The following NBEAL1 variants were observed in gnomAD, a reference collection of about 807,000 sequenced individuals.
The protein encoded by NBEAL1 is neurobeachin-like protein 1.
NBEAL1 carries 273 observed loss-of-function variants against 351.3 expected under a neutral mutation model. That is an observed-to-expected ratio of 0.78 (90% CI 0.70 to 0.86). The LOEUF (loss-of-function observed/expected upper bound fraction) is 0.86. NBEAL1 is among the 40% of genes least tolerant of loss of function. NBEAL1 has a pLI of 0.00. For synonymous variants in NBEAL1, 1,050 were observed against 1,086.4 expected (o/e 0.97, Z 0.66); for missense variants, 2,961 against 3,201.3 (o/e 0.92, Z 1.81).
intron 35 of NBEAL1, among the ~76,000 whole-genome samples, chr2:203,156,739 C>T (rs947911120): frequency 2.0e-5 from 3 of 151,994 alleles, no homozygotes; most frequent in African/African-American, 7.3e-5. Flanking sequence ...GAGGATTTGT[C>T]GTCTTTATAG....
rs536801602 is a variant in NBEAL1 at position 203,040,353 on chromosome 2, A to G, written c.52-1412A>G. On this transcript the variant is annotated intron_variant, in intron 2 of 55. Transcript: ENST00000683969. ...TGAGACCTCATGCCTTGGAATTGCC[A>G]GATAAACATGCCATGGCCTTTGTTG... 15 of 713,918 alleles carry G rather than the reference A, an allele frequency of 2.1e-5. No individual in the cohort carries two copies. The South Asian group carries it at 2.1e-4, about 10-fold the overall frequency. The allele number at this position is 713,918 out of a possible 1,614,324, so 44.2% of individuals were successfully genotyped here.
intron 18 of NBEAL1, among the ~76,000 whole-genome samples, chr2:203,120,756 G>A (rs578042431): frequency 1.1e-3 from 175 of 152,266 alleles, no homozygotes; most frequent in African/African-American, 4.1e-3. Context: ...TGGATTGGAG[G>A]AATGGATTCT....
At chr2:203,126,428 T>C in intron 21 of NBEAL1, 129 bp from the exon 22 acceptor site, 4 of 767,850 alleles carry the variant, frequency 5.2e-6, no homozygotes, top group Non-Finnish European at 7.5e-6. Context: ...ATACTTAAGT[T>C]TTTATTTTTC....
At chr2:203,117,947 G>A (rs1008320034) in intron 18 of NBEAL1, among the ~76,000 whole-genome samples, 1 of 151,562 alleles carries the variant, frequency 6.6e-6, no homozygotes, top group African/African-American at 2.4e-5. Context: ...CTTCAGCTTC[G>A]CGAAGTGTTG....
chr2:203,071,630 T>C (rs1250794065), intron 7 of NBEAL1, among the ~76,000 whole-genome samples: 1 of 152,214 alleles, frequency 6.6e-6, no homozygotes, highest in Non-Finnish European at 1.5e-5. Flanking sequence ...TCTGTAAGTC[T>C]AAAGTTCAAA....
At chr2:203,071,096 T>C (rs1343782217) in intron 7 of NBEAL1, among the ~76,000 whole-genome samples, 1 of 152,228 alleles carries the variant, frequency 6.6e-6, no homozygotes, top group Non-Finnish European at 1.5e-5. Flanking sequence ...TTTAAAAATT[T>C]TGTGTCTCTG....
intron 6 of NBEAL1, among the ~76,000 whole-genome samples, chr2:203,057,832 T>C (rs148335467): frequency 6.7e-6 from 1 of 148,644 alleles, no homozygotes; most frequent in Non-Finnish European, 1.5e-5. Flanking sequence ...TTCTTTTTTT[T>C]TTTTTTGTTT....
At chr2:203,198,005 A>ATAT (rs1559057930) in intron 48 of NBEAL1, among the ~76,000 whole-genome samples, 1 of 141,394 alleles carries the variant, frequency 7.1e-6, no homozygotes, top group African/African-American at 2.7e-5. Flanking sequence ...TTATATATAT[A>ATAT]TTTTTTTTTC....
At chr2:203,105,548 G>A (rs1380154372) in intron 12 of NBEAL1, among the ~76,000 whole-genome samples, 3 of 152,000 alleles carry the variant, frequency 2.0e-5, no homozygotes, top group African/African-American at 4.8e-5. Context: ...CTGTTAGCCT[G>A]ATGTATCTCC....
At chr2:203,090,576 A>G (rs566768695) in intron 10 of NBEAL1, among the ~76,000 whole-genome samples, 2 of 152,228 alleles carry the variant, frequency 1.3e-5, no homozygotes, top group Non-Finnish European at 2.9e-5. Context: ...GCCTGTAGGC[A>G]TTTTTAAAGT....
At chr2:203,192,943 T>A (rs529697571) in intron 46 of NBEAL1, among the ~76,000 whole-genome samples, 1 of 150,456 alleles carries the variant, frequency 6.6e-6, no homozygotes, top group Non-Finnish European at 1.5e-5. Context: ...TCTGACAGTA[T>A]TGACTTTTTT....
In NBEAL1 at chr2:203,222,971, G is replaced by GT. The variant is rs1246802420; in HGVS notation, c.*5618dup. Among the ~76,000 whole-genome samples, 1 of 152,164 alleles carries GT rather than the reference G, an allele frequency of 6.6e-6. No homozygotes were observed. On this transcript the variant is annotated 3_prime_UTR_variant, in exon 56 of 56. Transcript: ENST00000683969. ...AATTCAGTTTTCTGTGTTAAGAAAT[G>GT]TAAGGCCATCCTAGAGTATAGGAGT...
chr2:203,099,845 G>A lies in NBEAL1; in HGVS notation c.1269+133G>A, dbSNP rs892844219. 1.8e-4 allele frequency: 110 copies of A among 603,626 alleles called. 1 individual carries two copies. The highest frequency in any genetic ancestry group is 6.6e-5 in the Admixed American group (2 of 30,200). The allele number at this position is 603,626 out of a possible 1,614,324, so 37.4% of individuals were successfully genotyped here. ...GGTGTACAGATTATTTTGCCACCCA[G>A]GTAATAAGCATAGTACCCAATAGGT... On this transcript the variant is annotated intron_variant, in intron 12 of 55. Transcript: ENST00000683969.
chr2:203,135,904 T>A lies in NBEAL1; in HGVS notation c.4041T>A (p.Ser1347=), dbSNP rs2063191743. 1.2e-6 allele frequency: 2 copies of A among 1,614,160 alleles called. No individual in the cohort carries two copies. Among genetic ancestry groups the A allele is most frequent in the Admixed American group, 3.3e-5 (2 of 60,024 alleles). Residue 1347 remains serine, a synonymous_variant, in exon 28 of 56, where the codon TCT becomes TCA. Coordinates refer to ENST00000683969, the MANE Select transcript of NBEAL1 (RefSeq NM_001378026.1). The part of the protein sequence containing the change: ...DEKTDEEKIT[S]FASANVSSDQ... Reference sequence around the variant, plus strand: ...AAACAGATGAGGAAAAAATCACCTCTTTTGCCTCAGCTAATGTGTCTTCGG... The same window carrying A: ...AAACAGATGAGGAAAAAATCACCTCATTTGCCTCAGCTAATGTGTCTTCGG...
intron 2 of NBEAL1, among the ~76,000 whole-genome samples, chr2:203,021,050 C>T (rs1014279862): frequency 2.0e-5 from 3 of 152,066 alleles, no homozygotes; most frequent in African/African-American, 4.8e-5. Flanking sequence ...CTCAGCCTCC[C>T]GAGTAGCTGG....
In NBEAL1 at chr2:203,220,327, T is replaced by TA. The variant is rs1488886764; in HGVS notation, c.*2974dup. 6.6e-6 allele frequency among the ~76,000 whole-genome samples: 1 copy of TA among 151,930 alleles called. No homozygotes were observed. Among genetic ancestry groups the TA allele is most frequent in the Non-Finnish European group, 1.5e-5 (1 of 67,976 alleles). On this transcript the variant is annotated 3_prime_UTR_variant, in exon 56 of 56. Coordinates refer to ENST00000683969, the MANE Select transcript of NBEAL1 (RefSeq NM_001378026.1). ...GGTGAAACCCTGTCTCTACTAAAAA[T>TA]ACAAAAATTTGCTGGGCATGGTGGC...
chr2:203,062,329 C>T lies in NBEAL1; in HGVS notation c.515+4876C>T, dbSNP rs756301140. The T allele has an allele frequency of 1.0e-5, 5 of 487,142 alleles. No homozygotes were observed. Among genetic ancestry groups the T allele is most frequent in the African/African-American group, 9.8e-5 (5 of 51,076 alleles). The allele number at this position is 487,142 out of a possible 1,614,324, so 30.2% of individuals were successfully genotyped here. A position where few individuals can be genotyped will look rare whatever the true frequency, so the allele number is the denominator to read the frequency against. The stretch of plus-strand genomic sequence containing the variant: ...CGTCACATCTCTATAAGAGTTTCTT[C>T]TGGGAAAAATCCAGCAACGCCCACT... On this transcript the variant is annotated intron_variant, in intron 6 of 55. Coordinates refer to ENST00000683969, the MANE Select transcript of NBEAL1 (RefSeq NM_001378026.1). This position sits in a 1 kb window ranked among gnomAD's most constrained non-coding sequence, Gnocchi z 4.2.
chr2:203,136,112 A>G lies in NBEAL1; in HGVS notation c.4249A>G (p.Ser1417Gly). Residue 1417 changes from serine (S) to glycine (G), a missense_variant, in exon 28 of 56, where the codon AGT becomes GGT. Physicochemically the swap from Ser to Gly is moderately conservative, Grantham distance 56. Coordinates refer to ENST00000683969, the MANE Select transcript of NBEAL1 (RefSeq NM_001378026.1). ...IDSCEMSDSGSQVPDSLPSTP... is the reference protein window; with the variant it reads ...IDSCEMSDSGGQVPDSLPSTP... ...CTCATGTGAAATGAGTGATAGTGGA[A>G]GTCAAGTGCCAGACAGTCTGCCTAG... 4 of 1,614,186 alleles carry G rather than the reference A, an allele frequency of 2.5e-6. No individual in the cohort carries two copies. Among genetic ancestry groups the G allele is most frequent in the South Asian group, 1.1e-5 (1 of 91,080 alleles).
rs550758353 is a variant in NBEAL1, at chr2:203,034,862, A to G, written c.52-6903A>G. On this transcript the variant is annotated intron_variant, in intron 2 of 55. Transcript: ENST00000683969. Reference sequence around the variant, plus strand: ...TACAATGTTTCTGTGGGGGGAATTTATCTTCTTTTGGTAGGATATTAGAAA... The same window carrying G: ...TACAATGTTTCTGTGGGGGGAATTTGTCTTCTTTTGGTAGGATATTAGAAA... Among the ~76,000 whole-genome samples, 3 of 149,202 alleles carry G rather than the reference A, an allele frequency of 2.0e-5. No individual in the cohort carries two copies. In the South Asian group the frequency reaches 6.3e-4, roughly 31 times the overall value.
Sources: gnomAD v4.1 joint callset for allele counts (sites outside exome capture counted in the v4.1 genomes callset) on GRCh38, gnomAD v4.1.1 for gene constraint, Gnocchi (gnomAD v3.1) non-coding constraint, MANE v1.5 for transcripts, NCBI Gene and HGNC (gene_info 2026-07-23, HGNC 2026-07-21) for gene names.